Variants in AHI1 observed in about 807,000 individuals in gnomAD.
AHI1 encodes the protein jouberin.
Under a neutral mutation model 149.3 loss-of-function variants are expected in AHI1, and 123 were observed. The ratio of observed to expected loss-of-function variants is 0.82; its 90% CI spans 0.71 to 0.96. The LOEUF is 0.96. Ranked by LOEUF, AHI1 falls within the 40% of genes least tolerant of loss-of-function variation. The pLI, the probability that AHI1 is intolerant of heterozygous loss-of-function variation, is 0.00. For synonymous variants in AHI1, 475 were observed against 459.8 expected (o/e 1.03, Z -0.42); for missense variants, 1,439 against 1,422.7 (o/e 1.01, Z -0.18).
Position 135,466,182 on chromosome 6 carries a change from T to C in AHI1, c.381A>G (p.Lys127=). The part of the protein sequence containing the change: ...VEEDKQGKPN[K]KVIKTVPQLT... Reference sequence around the variant, plus strand: ...ACTGGGGCACCGTCTTTATCACCTTTTTATTTGGCTTTCCTTGTTTGTCTT... The same window carrying C: ...ACTGGGGCACCGTCTTTATCACCTTCTTATTTGGCTTTCCTTGTTTGTCTT... Residue 127 remains lysine, a synonymous_variant, in exon 7 of 29, where the codon AAA becomes AAG. Coordinates refer to ENST00000265602, the MANE Select transcript of AHI1 (RefSeq NM_001134831.2). The C allele has an allele frequency of 6.2e-7, 1 of 1,613,974 alleles. No homozygotes were observed. The highest frequency in any genetic ancestry group is 1.3e-5 in the African/African-American group (1 of 75,048).
intron 23 of AHI1, among the ~76,000 whole-genome samples, chr6:135,378,432 T>A (rs958065821): frequency 6.6e-6 from 1 of 152,208 alleles, no homozygotes; most frequent in Non-Finnish European, 1.5e-5. Flanking sequence ...TTTTTAGTAT[T>A]TGATAAATTT....
At chr6:135,453,255 A>T in intron 11 of AHI1, 86 bp downstream of exon 11, 1 of 1,017,546 alleles carries the variant, frequency 9.8e-7, no homozygotes, top group Non-Finnish European at 1.5e-6. Context: ...CTAATTCCTT[A>T]TATGAGACCA....
intron 23 of AHI1, among the ~76,000 whole-genome samples, chr6:135,363,139 C>T (rs1282335975): frequency 6.6e-6 from 1 of 151,350 alleles, no homozygotes; most frequent in Non-Finnish European, 1.5e-5. Context: ...GAGGGAAGGT[C>T]AGTAGATAAA....
chr6:135,480,740 A>G (rs1457121645), intron 5 of AHI1, among the ~76,000 whole-genome samples: 1 of 152,150 alleles, frequency 6.6e-6, no homozygotes, highest in Admixed American at 6.5e-5. Flanking sequence ...CAGGCCTCAG[A>G]CCAGTACTGG....
At chr6:135,362,737 T>C (rs571479841) in intron 23 of AHI1, among the ~76,000 whole-genome samples, 1 of 152,276 alleles carries the variant, frequency 6.6e-6, no homozygotes, top group East Asian at 1.9e-4. Context: ...TGCTGATTTG[T>C]TTGAGTTCCT....
At chr6:135,442,537 C>A (rs1397396291) in intron 14 of AHI1, 45 bp downstream of exon 14, 15 of 1,542,908 alleles carry the variant, frequency 9.7e-6, no homozygotes, top group Non-Finnish European at 1.3e-5. Context: ...AGAATGTCCT[C>A]CACGTGGACT....
chr6:135,463,268 T>C lies in AHI1; in HGVS notation c.788A>G (p.Gln263Arg), dbSNP rs35139847. 2 of 1,610,624 alleles carry C rather than the reference T, an allele frequency of 1.2e-6. No homozygotes were observed. The highest frequency in any genetic ancestry group is 1.3e-5 in the African/African-American group (1 of 74,598). Residue 263 changes from glutamine to arginine, a missense_variant, in exon 8 of 29, where the codon CAA (glutamine) becomes CGA (arginine). Coordinates refer to ENST00000265602, the MANE Select transcript of AHI1 (RefSeq NM_001134831.2). ...TGATCTAACTGAAGATTCTTTCTTT[T>C]GTTCACCTTCAACTGTGTCACCAGA... ...TISGDTVEGE[Q>R]KKESSVRSVS...
At chr6:135,347,025 T>C (rs945208121) in intron 24 of AHI1, among the ~76,000 whole-genome samples, 1 of 152,244 alleles carries the variant, frequency 6.6e-6, no homozygotes, top group Non-Finnish European at 1.5e-5. Flanking sequence ...TTCTATCCAC[T>C]AGCCTCAGAT....
chr6:135,361,645 T>TCACACACACACACA (rs57786531), intron 23 of AHI1, among the ~76,000 whole-genome samples: 9 of 133,902 alleles, frequency 6.7e-5, no homozygotes, highest in Non-Finnish European at 1.1e-4. Flanking sequence ...AGGTATGGTT[T>TCACACACACACACA]CACACACACA....
intron 21 of AHI1, among the ~76,000 whole-genome samples, chr6:135,409,997 C>T (rs1167401941): frequency 1.3e-5 from 2 of 152,162 alleles, no homozygotes; most frequent in African/African-American, 4.8e-5. Flanking sequence ...ATCAGTGGCA[C>T]TATGTATCAG....
intron 23 of AHI1, among the ~76,000 whole-genome samples, chr6:135,393,143 T>G (rs774681301): frequency 6.6e-6 from 1 of 152,042 alleles, no homozygotes; most frequent in Non-Finnish European, 1.5e-5. Context: ...CAATCCTATA[T>G]ATAATTGTGA....
chr6:135,295,248 A>G (rs1052912440), intron 27 of AHI1, among the ~76,000 whole-genome samples: 1 of 152,250 alleles, frequency 6.6e-6, no homozygotes, highest in African/African-American at 2.4e-5. Context: ...GAATGGCTAA[A>G]TTAGAAGGAC....
chr6:135,492,418 T>C, intron 3 of AHI1, 127 bp from the exon 4 acceptor site: 1 of 1,310,280 alleles, frequency 7.6e-7, no homozygotes, highest in Non-Finnish European at 9.8e-7. Flanking sequence ...TAAAGCTATG[T>C]TCCCTTAACC....
intron 24 of AHI1, among the ~76,000 whole-genome samples, chr6:135,348,757 A>G (rs897653028): frequency 6.6e-6 from 1 of 152,216 alleles, no homozygotes; most frequent in Non-Finnish European, 1.5e-5. Flanking sequence ...CAAGCAGGGT[A>G]GCGAGTCAAA....
At chr6:135,382,894 TAAAAAAA>T (rs573438726) in intron 23 of AHI1, among the ~76,000 whole-genome samples, 35 of 15,562 alleles carry the variant, frequency 2.2e-3, no homozygotes, top group South Asian at 0.01. Flanking sequence ...GCAAAATTAG[TAAAAAAA>T]AAAAAAAAAA....
At chr6:135,471,808 C>T (rs1791744000) in intron 5 of AHI1, among the ~76,000 whole-genome samples, 1 of 150,888 alleles carries the variant, frequency 6.6e-6, no homozygotes, top group Non-Finnish European at 1.5e-5. Flanking sequence ...GTCAGGAGAT[C>T]GAGACCATCC....
At chr6:135,449,681 G>A (rs1787796127) in intron 11 of AHI1, among the ~76,000 whole-genome samples, 1 of 151,898 alleles carries the variant, frequency 6.6e-6, no homozygotes, top group South Asian at 2.1e-4. Flanking sequence ...TATGTAACTT[G>A]GAAAGTAAAA....
chr6:135,325,942 A>C (rs1330611886), intron 24 of AHI1, among the ~76,000 whole-genome samples: 1 of 152,194 alleles, frequency 6.6e-6, no homozygotes, highest in African/African-American at 2.4e-5. Context: ...GAAGTCTGAA[A>C]AATTTTCCTG....
intron 22 of AHI1, among the ~76,000 whole-genome samples, chr6:135,403,802 C>T (rs950075381): frequency 1.3e-4 from 20 of 152,196 alleles, no homozygotes; most frequent in Admixed American, 1.0e-3. Context: ...TTTCCCCCCT[C>T]GTCTTCCTTC....
Sources: gnomAD v4.1 joint callset for allele counts (sites outside exome capture counted in the v4.1 genomes callset) on GRCh38, gnomAD v4.1.1 for gene constraint, MANE v1.5 for transcripts, NCBI Gene and HGNC (gene_info 2026-07-23, HGNC 2026-07-21) for gene names.